Variants in TNRC6B observed in about 807,000 individuals in gnomAD.
The protein encoded by TNRC6B is trinucleotide repeat-containing gene 6B protein.
A neutral mutation model predicts 203.6 loss-of-function variants in TNRC6B; 52 were observed. The observed-to-expected ratio is 0.26, with a 90% CI of 0.20 to 0.32. The LOEUF (loss-of-function observed/expected upper bound fraction) is 0.32. TNRC6B is among the 10% of genes least tolerant of loss of function. TNRC6B has a pLI of 1.00. For missense variants in TNRC6B, 1,923 were observed against 2,286.2 expected, an observed-to-expected ratio of 0.84 and a Z score of 3.24; for synonymous variants, 838 against 845.7, an observed-to-expected ratio of 0.99 and a Z score of 0.16.
chr22:40,120,996 A>G (rs1175170754), intron 2 of TNRC6B, among the ~76,000 whole-genome samples: 1 of 152,208 alleles, frequency 6.6e-6, no homozygotes, highest in Non-Finnish European at 1.5e-5. Context: ...TCTTCTTCCA[A>G]ACACACTCAT....
At chr22:40,191,965 GGT>G (rs1441843055) in intron 1 of TNRC6B, among the ~76,000 whole-genome samples, 1 of 152,150 alleles carries the variant, frequency 6.6e-6, no homozygotes, top group African/African-American at 2.4e-5. Context: ...TGGCCAGGCT[GGT>G]CTCAAACTCC....
chr22:40,312,698 A>G, intron 18 of TNRC6B, 47 bp downstream of exon 18: 2 of 1,574,074 alleles, frequency 1.3e-6, no homozygotes, highest in Non-Finnish European at 1.7e-6. Context: ...CAGCATTTTC[A>G]TAGTTGTCAG....
intron 3 of TNRC6B, among the ~76,000 whole-genome samples, chr22:40,151,286 A>G (rs2068750606): frequency 6.6e-6 from 1 of 152,044 alleles, no homozygotes; most frequent in African/African-American, 2.4e-5. Context: ...TAAATAGGCC[A>G]GGCACCGTGG....
chr22:40,218,019 G>C (rs539397187), intron 1 of TNRC6B, among the ~76,000 whole-genome samples: 6 of 149,826 alleles, frequency 4.0e-5, no homozygotes, highest in Non-Finnish European at 7.4e-5. Flanking sequence ...AACCCTCCAA[G>C]GTAACTGCTT....
intron 1 of TNRC6B, among the ~76,000 whole-genome samples, chr22:40,056,526 G>A (rs1408235605): frequency 6.6e-6 from 1 of 152,158 alleles, no homozygotes; most frequent in Non-Finnish European, 1.5e-5. Context: ...GGGTGCAGTG[G>A]CTCATGCCTG....
At position 40,315,388 on chromosome 22, in the gene TNRC6B, C is replaced by A; in HGVS notation, c.4784C>A (p.Thr1595Asn). Residue 1595 changes from threonine (T) to asparagine (N), a missense_variant, in exon 20 of 23, where the codon ACT (threonine) becomes AAT (asparagine). This residue lies in a region of TNRC6B where 159 missense variants were observed against 181.0 expected (regional missense o/e 0.88). Transcript: ENST00000454349. ...MWKNHISSRN[T>N]TPLPRPPPGL... Reference sequence around the variant, plus strand: ...AAAAACCATATTTCCTCCAGGAACACTACACCGCTGCCCCGCCCACCTCCT... The same window carrying A: ...AAAAACCATATTTCCTCCAGGAACAATACACCGCTGCCCCGCCCACCTCCT... 1 of 1,614,036 alleles carries A rather than the reference C, an allele frequency of 6.2e-7. No individual in the cohort carries two copies.
intron 3 of TNRC6B, among the ~76,000 whole-genome samples, chr22:40,139,451 C>G (rs765342343): frequency 6.6e-6 from 1 of 151,868 alleles, no homozygotes; most frequent in Non-Finnish European, 1.5e-5. Context: ...CCTGCCTCAC[C>G]CTCCTGAGTA....
chr22:40,181,015 C>A (rs952474872), intron 1 of TNRC6B, among the ~76,000 whole-genome samples: 5 of 152,136 alleles, frequency 3.3e-5, no homozygotes, highest in African/African-American at 1.2e-4. Flanking sequence ...TGGTAGCGTT[C>A]ATCAGAAGTG....
At chr22:40,257,909 G>A (rs908967325) in intron 3 of TNRC6B, among the ~76,000 whole-genome samples, 5 of 151,944 alleles carry the variant, frequency 3.3e-5, no homozygotes, top group Admixed American at 2.0e-4. Flanking sequence ...AGCTACTCGG[G>A]AGGCTGAGGC....
chr22:40,310,337 A>G (rs1476320249), intron 16 of TNRC6B, among the ~76,000 whole-genome samples: 4 of 152,218 alleles, frequency 2.6e-5, no homozygotes, highest in Non-Finnish European at 4.4e-5. Context: ...CTCTGTTTAC[A>G]CTGCTGCTTC....
chr22:40,070,651 G>A (rs2067938778), intron 1 of TNRC6B, among the ~76,000 whole-genome samples: 1 of 152,048 alleles, frequency 6.6e-6, no homozygotes. Flanking sequence ...TTAATTTACA[G>A]GTATTTTAAG....
intron 1 of TNRC6B, among the ~76,000 whole-genome samples, chr22:40,179,986 C>T (rs879330422): frequency 1.3e-5 from 2 of 152,130 alleles, no homozygotes; most frequent in African/African-American, 2.4e-5. Context: ...ACAGAAGTGA[C>T]TGTTTAGATT....
intron 1 of TNRC6B, among the ~76,000 whole-genome samples, chr22:40,187,311 A>C (rs2069216782): frequency 6.6e-6 from 1 of 152,222 alleles, no homozygotes; most frequent in Non-Finnish European, 1.5e-5. Flanking sequence ...ATCCTAGTGG[A>C]ATTTTTAGAA....
intron 9 of TNRC6B, among the ~76,000 whole-genome samples, chr22:40,278,291 G>A (rs2070676449): frequency 6.6e-6 from 1 of 151,084 alleles, no homozygotes; most frequent in African/African-American, 2.4e-5. Flanking sequence ...CGGGCATGGT[G>A]GCTCATGCCT....
At chr22:40,153,549 G>A (rs1276920755) in intron 3 of TNRC6B, among the ~76,000 whole-genome samples, 13 of 145,590 alleles carry the variant, frequency 8.9e-5, no homozygotes, top group African/African-American at 1.3e-4. Context: ...TACTAAGCTA[G>A]AAAAAAAAAA....
At position 40,277,161 on chromosome 22, in the gene TNRC6B, A is replaced by G. The variant is rs1184299870; in HGVS notation, c.3216+10A>G. On this transcript the variant is annotated intron_variant, in intron 8 of 22. Transcript: ENST00000454349. ...AAATATGGGATTGCTGGTAAGTTTT[A>G]TTTTTTTCAAATGTATAACGTATCC... The G allele has an allele frequency of 1.0e-5, 16 of 1,599,528 alleles. No homozygotes were observed. The highest frequency in any genetic ancestry group is 1.3e-5 in the Non-Finnish European group (15 of 1,174,040).
intron 11 of TNRC6B, among the ~76,000 whole-genome samples, chr22:40,284,217 C>T (rs2070755310): frequency 6.6e-6 from 1 of 152,176 alleles, no homozygotes; most frequent in Non-Finnish European, 1.5e-5. Context: ...ATGAGATACA[C>T]AGATTTTAAT....
intron 1 of TNRC6B, among the ~76,000 whole-genome samples, chr22:40,064,343 T>G (rs1209845837): frequency 6.6e-6 from 1 of 152,164 alleles, no homozygotes; most frequent in Non-Finnish European, 1.5e-5. Context: ...TGATCTTCAG[T>G]CATTTGCCAC....
chr22:40,234,006 G>A (rs2069914602), intron 1 of TNRC6B, among the ~76,000 whole-genome samples: 1 of 152,270 alleles, frequency 6.6e-6, no homozygotes, highest in East Asian at 1.9e-4. Context: ...ACCTTCCCAG[G>A]CCGAGTGCGG....
Sources: gnomAD v4.1 joint callset for allele counts (sites outside exome capture counted in the v4.1 genomes callset) on GRCh38, gnomAD v4.1.1 for gene constraint, gnomAD v4.1.1 regional missense constraint, MANE v1.5 for transcripts, NCBI Gene and HGNC (gene_info 2026-07-23, HGNC 2026-07-21) for gene names.